Variants in CUBN observed in about 807,000 individuals in gnomAD.
The protein encoded by CUBN is 460 kDa receptor.
Under a neutral mutation model 405.3 loss-of-function variants are expected in CUBN, and 282 were observed. That is an observed-to-expected ratio of 0.70 (90% CI 0.63 to 0.77). The LOEUF is 0.77. CUBN is among the 30% of genes least tolerant of loss of function. CUBN has a pLI of 0.00. For synonymous variants in CUBN, 1,684 were observed against 1,617.0 expected, an observed-to-expected ratio of 1.04 and a Z score of -0.99; for missense variants, 4,514 against 4,475.2, an observed-to-expected ratio of 1.01 and a Z score of -0.25.
At chr10:16,934,723 G>A (rs1842453279) in intron 39 of CUBN, among the ~76,000 whole-genome samples, 1 of 152,158 alleles carries the variant, frequency 6.6e-6, no homozygotes, top group Non-Finnish European at 1.5e-5. Context: ...ATGAGCAAAA[G>A]GCATGTGTTA....
intron 19 of CUBN, among the ~76,000 whole-genome samples, chr10:17,070,390 A>T (rs1835712562): frequency 6.6e-6 from 1 of 152,022 alleles, no homozygotes; most frequent in African/African-American, 2.4e-5. Context: ...CAGCTTATGT[A>T]TTTTTTTAAA....
At chr10:16,897,180 G>A (rs1490289250) in intron 54 of CUBN, among the ~76,000 whole-genome samples, 2 of 152,176 alleles carry the variant, frequency 1.3e-5, no homozygotes, top group African/African-American at 2.4e-5. Flanking sequence ...TCTCTTTCAA[G>A]TTGTGATGTT....
chr10:17,129,599 A>T, intron 1 of CUBN, 45 bp downstream of exon 1: 1 of 1,613,552 alleles, frequency 6.2e-7, no homozygotes, highest in Non-Finnish European at 8.5e-7. Flanking sequence ...ACTGGTGAGG[A>T]ATTAGCCTAG....
At chr10:16,998,142 G>T (rs1008825872) in intron 28 of CUBN, among the ~76,000 whole-genome samples, 1 of 152,094 alleles carries the variant, frequency 6.6e-6, no homozygotes, top group African/African-American at 2.4e-5. Flanking sequence ...GGAGAGAGTT[G>T]TCCCTGTATT....
chr10:17,048,982 C>G (rs1835200098), intron 22 of CUBN, among the ~76,000 whole-genome samples: 1 of 152,196 alleles, frequency 6.6e-6, no homozygotes, highest in Admixed American at 6.5e-5. Flanking sequence ...AGCAAGCAAT[C>G]AAGGCTTTAC....
rs1249614627 is a variant in CUBN, at chr10:16,984,086, ACCT to A, written c.4525+16_4525+18del. The A allele has an allele frequency of 1.2e-6, 2 of 1,613,340 alleles. No homozygotes were observed. The highest frequency in any genetic ancestry group is 1.3e-5 in the African/African-American group (1 of 74,768). On this transcript the variant is annotated intron_variant, in intron 30 of 66. Transcript: ENST00000377833. ...GGGCTCGGCTTAAGTACTTTAGGAAACCTCCTTTTCTCACTCACCTCCAGTGAC... is the reference window on the plus strand; with the variant it reads ...GGGCTCGGCTTAAGTACTTTAGGAAACCTTTTCTCACTCACCTCCAGTGAC...
At chr10:17,110,582 C>T (rs1373758975) in intron 9 of CUBN, among the ~76,000 whole-genome samples, 1 of 152,066 alleles carries the variant, frequency 6.6e-6, no homozygotes, top group African/African-American at 2.4e-5. Context: ...GGCTGGAGTG[C>T]AATGGTGCGA....
chr10:16,987,200 C>G (rs1009255673), intron 29 of CUBN, among the ~76,000 whole-genome samples: 1 of 152,186 alleles, frequency 6.6e-6, no homozygotes, highest in Admixed American at 6.5e-5. Context: ...CAGAGTGTTT[C>G]CATGACCGAA....
intron 31 of CUBN, among the ~76,000 whole-genome samples, chr10:16,975,734 G>A (rs576136724): frequency 2.6e-4 from 39 of 148,384 alleles, no homozygotes; most frequent in Admixed American, 5.5e-4. Flanking sequence ...GGGTTCAAGC[G>A]ATTCTCATGC....
intron 31 of CUBN, among the ~76,000 whole-genome samples, chr10:16,972,307 G>T (rs753020996): frequency 3.3e-5 from 5 of 152,090 alleles, no homozygotes; most frequent in Non-Finnish European, 1.5e-5. Flanking sequence ...ATCCTCAATT[G>T]TATATGTCTA....
At chr10:16,827,789 C>T (rs1335842490) in intron 66 of CUBN, among the ~76,000 whole-genome samples, 1 of 152,178 alleles carries the variant, frequency 6.6e-6, no homozygotes. Context: ...TTAGTAGAGA[C>T]GGGGTTTCCC....
intron 31 of CUBN, among the ~76,000 whole-genome samples, chr10:16,959,039 G>C (rs1331637098): frequency 6.6e-6 from 1 of 152,130 alleles, no homozygotes; most frequent in African/African-American, 2.4e-5. Flanking sequence ...GAGAGAACCT[G>C]TTGTTGCAAG....
intron 28 of CUBN, among the ~76,000 whole-genome samples, chr10:17,008,353 TG>T (rs1834087262): frequency 3.7e-5 from 5 of 136,066 alleles, no homozygotes; most frequent in South Asian, 2.4e-4. Context: ...TGTGTGTGTG[TG>T]GTGTGTGTGT....
rs1841279993 is a variant in CUBN, at chr10:16,899,061, T to A, written c.8533A>T (p.Ile2845Phe). 6.2e-7 allele frequency: 1 copy of A among 1,613,664 alleles called. No homozygotes were observed. Among genetic ancestry groups the A allele is most frequent in the African/African-American group, 1.3e-5 (1 of 74,914 alleles). ...AITHKSKHLE[I>F]SFDNNFLIPS... is the part of the protein sequence containing the mutation. ...ATTAGGAAGTTGTTGTCAAAGCTGA[T>A]CTCCAAGTGTTTACTTTTGTGAGTA... is the stretch of plus-strand genomic sequence containing the variant. Residue 2845 changes from isoleucine (I) to phenylalanine (F), a missense_variant, in exon 54 of 67, where the codon ATC becomes TTC. Around this residue, in one of 5 missense-constraint regions of CUBN, gnomAD observed 1,186 missense variants for 1,186.9 expected, o/e 1.00. Transcript: ENST00000377833.
intron 59 of CUBN, among the ~76,000 whole-genome samples, chr10:16,855,099 CCCTTCCTTCCTT>C (rs1261577164): frequency 1.7e-5 from 2 of 114,896 alleles, no homozygotes; most frequent in African/African-American, 3.3e-5. Context: ...CTCCCTCCTT[CCCTTCCTTCCTT>C]CCTTCCTTCC....
intron 31 of CUBN, among the ~76,000 whole-genome samples, chr10:16,960,864 T>C (rs562627569): frequency 1.3e-5 from 2 of 152,138 alleles, no homozygotes; most frequent in Admixed American, 1.3e-4. Flanking sequence ...GCACAGCCAA[T>C]GTCATGCACT....
rs963986818 is a variant in CUBN at position 17,084,550 on chromosome 10, A to G, written c.2111-89T>C. 4.3e-6 allele frequency: 4 copies of G among 923,334 alleles called. No individual in the cohort carries two copies. The Admixed American group carries it at 8.0e-5, about 18-fold the overall frequency. 57.2% of individuals were successfully genotyped at this position (923,334 alleles called of 1,614,324 possible). ...ATCCAATTTCTAAAAATTTACCCAC[A>G]CACACACACACACAAGCACATATCC... On this transcript the variant is annotated intron_variant, in intron 16 of 66. Coordinates refer to ENST00000377833, the MANE Select transcript of CUBN (RefSeq NM_001081.4).
intron 40 of CUBN, among the ~76,000 whole-genome samples, chr10:16,931,909 T>C (rs906770478): frequency 6.6e-6 from 1 of 152,228 alleles, no homozygotes; most frequent in African/African-American, 2.4e-5. Flanking sequence ...TTCAAAGATA[T>C]TTTTTAAAAC....
chr10:17,017,188 C>T (rs748791720), intron 28 of CUBN, among the ~76,000 whole-genome samples: 38 of 152,046 alleles, frequency 2.5e-4, no homozygotes, highest in Non-Finnish European at 5.3e-4. Flanking sequence ...CCCAAGAACC[C>T]GCAACAGTCC....
Sources: gnomAD v4.1 joint callset for allele counts (sites outside exome capture counted in the v4.1 genomes callset) on GRCh38, gnomAD v4.1.1 for gene constraint, gnomAD v4.1.1 regional missense constraint, MANE v1.5 for transcripts, NCBI Gene and HGNC (gene_info 2026-07-23, HGNC 2026-07-21) for gene names.